HDAC9: variants seen among roughly 807,000 people sequenced by gnomAD.
HDAC9 encodes MEF-2 interacting transcription repressor (MITR) protein.
HDAC9 carries 41 observed loss-of-function variants against 139.4 expected under a neutral mutation model. The ratio of observed to expected loss-of-function variants is 0.29; its 90% CI spans 0.23 to 0.38. The LOEUF (loss-of-function observed/expected upper bound fraction) is 0.38, where lower values mean the gene tolerates loss of function less well. Ranked by LOEUF, HDAC9 falls within the 10% of genes least tolerant of loss-of-function variation. The pLI is 1.00. For synonymous variants in HDAC9, 517 were observed against 476.2 expected (o/e 1.09, Z -1.12); for missense variants, 1,147 against 1,297.0 (o/e 0.88, Z 1.78).
intron 2 of HDAC9, among the ~76,000 whole-genome samples, chr7:18,569,217 G>A (rs1823461089): frequency 6.6e-6 from 1 of 152,140 alleles, no homozygotes; most frequent in Non-Finnish European, 1.5e-5. Flanking sequence ...GCTATACACA[G>A]TAAGTCAATG....
chr7:18,609,429 C>A (rs1279596602), intron 6 of HDAC9, among the ~76,000 whole-genome samples: 1 of 152,106 alleles, frequency 6.6e-6, no homozygotes, highest in Non-Finnish European at 1.5e-5. Context: ...CAAGTATACA[C>A]CAAGGCAGGC....
chr7:18,653,427 C>G (rs1405233262), intron 11 of HDAC9, among the ~76,000 whole-genome samples: 1 of 151,952 alleles, frequency 6.6e-6, no homozygotes, highest in African/African-American at 2.4e-5. Context: ...TTGCTTTCTT[C>G]CTTTCTTATA....
intron 2 of HDAC9, among the ~76,000 whole-genome samples, chr7:18,171,467 A>C (rs1788436201): frequency 6.6e-6 from 1 of 152,190 alleles, no homozygotes; most frequent in African/African-American, 2.4e-5. Context: ...CGCTGGCCAG[A>C]ACTTCCAACA....
chr7:18,547,352 C>T (rs187783972), intron 2 of HDAC9, among the ~76,000 whole-genome samples: 2 of 152,180 alleles, frequency 1.3e-5, no homozygotes, highest in African/African-American at 4.8e-5. Flanking sequence ...TCTCCTGCCT[C>T]AGCCTCCCGA....
intron 2 of HDAC9, among the ~76,000 whole-genome samples, chr7:18,532,411 T>G (rs1809329750): frequency 6.6e-6 from 1 of 152,210 alleles, no homozygotes; most frequent in Non-Finnish European, 1.5e-5. Context: ...TGCATTTGAT[T>G]ATTTCTGGAT....
At chr7:18,605,896 G>A (rs1413236871) in intron 6 of HDAC9, among the ~76,000 whole-genome samples, 1 of 146,424 alleles carries the variant, frequency 6.8e-6, no homozygotes, top group African/African-American at 2.8e-5. Context: ...TAGCCAGGAT[G>A]GTCTCCATCT....
chr7:18,179,831 A>C (rs1789247877), intron 2 of HDAC9, among the ~76,000 whole-genome samples: 1 of 152,200 alleles, frequency 6.6e-6, no homozygotes, highest in South Asian at 2.1e-4. Flanking sequence ...TGGTATCATA[A>C]AAGATGTAAT....
Position 18,956,129 on chromosome 7 carries a change from T to C in HDAC9, c.3022+1899T>C, listed in dbSNP as rs113846140. ...ACTATCAAAACTTGCTGTAGGAGTA[T>C]CCTGCCACTAAGGATTGTCAATTCC... On this transcript the variant is annotated intron_variant, in intron 24 of 25. Transcript: ENST00000686413. Among the ~76,000 whole-genome samples, 1,292 of 152,212 alleles carry C rather than the reference T, an allele frequency of 8.5e-3. 29 individuals carry two copies. Among genetic ancestry groups the C allele is most frequent in the African/African-American group, 0.03 (1,242 of 41,550 alleles).
intron 12 of HDAC9, among the ~76,000 whole-genome samples, chr7:18,670,764 A>G (rs750333135): frequency 8.6e-5 from 13 of 151,842 alleles, no homozygotes; most frequent in Non-Finnish European, 1.8e-4. Flanking sequence ...CAATTTATTC[A>G]GTTGTTTCTC....
chr7:18,695,259 A>G (rs1018977758), intron 12 of HDAC9, among the ~76,000 whole-genome samples: 2 of 152,064 alleles, frequency 1.3e-5, no homozygotes, highest in Non-Finnish European at 2.9e-5. Flanking sequence ...AAAGAATATT[A>G]TGTTATGTCT....
intron 13 of HDAC9, among the ~76,000 whole-genome samples, chr7:18,734,448 C>T (rs900151764): frequency 2.0e-5 from 3 of 152,160 alleles, no homozygotes; most frequent in East Asian, 3.9e-4. Context: ...TCTCACTGTT[C>T]AATTCCCACC....
At chr7:18,537,031 T>C (rs184661733) in intron 2 of HDAC9, among the ~76,000 whole-genome samples, 1 of 152,318 alleles carries the variant, frequency 6.6e-6, no homozygotes, top group East Asian at 1.9e-4. Context: ...CTCCTGACTC[T>C]CTTGGGATCA....
chr7:18,890,966 C>T (rs1379469460), intron 22 of HDAC9, among the ~76,000 whole-genome samples: 3 of 152,174 alleles, frequency 2.0e-5, no homozygotes, highest in African/African-American at 7.2e-5. Context: ...TGACCTCCAG[C>T]AGTCTAGGAT....
At chr7:18,519,781 A>G (rs569221701) in intron 2 of HDAC9, among the ~76,000 whole-genome samples, 2 of 152,282 alleles carry the variant, frequency 1.3e-5, no homozygotes, top group Admixed American at 1.3e-4. Flanking sequence ...ATTCACAATA[A>G]TTTATGTACC....
chr7:18,249,053 G>A (rs1018317681), intron 2 of HDAC9, among the ~76,000 whole-genome samples: 1 of 152,124 alleles, frequency 6.6e-6, no homozygotes, highest in African/African-American at 2.4e-5. Context: ...TAGGGATACA[G>A]TTGAGGACAG....
In HDAC9 at chr7:18,604,691, G is replaced by A. The variant is rs80039401; in HGVS notation, c.664+10662G>A. Among the ~76,000 whole-genome samples the A allele has an allele frequency of 1.7e-3, 252 of 152,144 alleles. 3 individuals are homozygous for A. Among genetic ancestry groups the A allele is most frequent in the East Asian group, 6.8e-3 (35 of 5,176 alleles). Reference sequence around the variant, plus strand: ...TGGGATTACAGGCGTGAGCCACCGCGCCCGGATAAGACCTTTTTTAAATTT... The same window carrying A: ...TGGGATTACAGGCGTGAGCCACCGCACCCGGATAAGACCTTTTTTAAATTT... On this transcript the variant is annotated intron_variant, in intron 6 of 25. Transcript: ENST00000686413.
At chr7:18,900,331 T>G (rs74794775) in intron 22 of HDAC9, among the ~76,000 whole-genome samples, 3,453 of 152,264 alleles carry the variant, frequency 0.023, 126 homozygotes, top group African/African-American at 0.079. Flanking sequence ...TTTCTAAGCA[T>G]GAAATGTACT....
At chr7:18,639,351 T>C (rs1023781425) in intron 8 of HDAC9, among the ~76,000 whole-genome samples, 2 of 152,066 alleles carry the variant, frequency 1.3e-5, no homozygotes, top group African/African-American at 4.8e-5. Context: ...TATGACAAAA[T>C]AATCATTTAC....
chr7:18,705,673 A>C (rs1783833493), intron 12 of HDAC9, among the ~76,000 whole-genome samples: 1 of 151,774 alleles, frequency 6.6e-6, no homozygotes, highest in Non-Finnish European at 1.5e-5. Context: ...CAACATGCCG[A>C]AACCCCGTTT....
Sources: gnomAD v4.1 joint callset for allele counts (sites outside exome capture counted in the v4.1 genomes callset) on GRCh38, gnomAD v4.1.1 for gene constraint, MANE v1.5 for transcripts, NCBI Gene and HGNC (gene_info 2026-07-23, HGNC 2026-07-21) for gene names.